The following LRRTM4 variants were observed in gnomAD, a reference collection of about 807,000 sequenced individuals.
LRRTM4 encodes leucine-rich repeat transmembrane neuronal protein 4.
In LRRTM4, 25 loss-of-function variants were observed where a neutral mutation model predicts 47.6. The ratio of observed to expected loss-of-function variants is 0.53; its 90% CI spans 0.38 to 0.73. The LOEUF is 0.73. Among genes scored for constraint, LRRTM4 ranks in the 30% least tolerant of loss-of-function variants. The pLI is 0.00. For missense variants in LRRTM4, 638 were observed against 713.4 expected, an observed-to-expected ratio of 0.89 and a Z score of 1.20; for synonymous variants, 311 against 269.5, an observed-to-expected ratio of 1.15 and a Z score of -1.51.
intron 3 of LRRTM4, among the ~76,000 whole-genome samples, chr2:76,811,966 C>T (rs1179661565): frequency 6.6e-6 from 1 of 152,106 alleles, no homozygotes; most frequent in Non-Finnish European, 1.5e-5. Context: ...TATGTTAAGC[C>T]CCTTTTCCAT....
intron 3 of LRRTM4, among the ~76,000 whole-genome samples, chr2:76,794,299 TA>T (rs1675139655): frequency 6.6e-6 from 1 of 152,170 alleles, no homozygotes; most frequent in Non-Finnish European, 1.5e-5. Flanking sequence ...AGATAACAAA[TA>T]TCTGCATTAG....
intron 3 of LRRTM4, among the ~76,000 whole-genome samples, chr2:76,932,777 A>T (rs538752166): frequency 6.6e-6 from 1 of 151,290 alleles, no homozygotes; most frequent in Non-Finnish European, 1.5e-5. Flanking sequence ...GTATACACAC[A>T]AAAGAGAGGA....
chr2:77,254,599 C>T (rs917116759), intron 3 of LRRTM4, among the ~76,000 whole-genome samples: 3 of 151,444 alleles, frequency 2.0e-5, no homozygotes, highest in Admixed American at 1.3e-4. Flanking sequence ...ATTTTAACTG[C>T]CAAATGCGGT....
chr2:76,929,876 AAT>A (rs1446934571), intron 3 of LRRTM4, among the ~76,000 whole-genome samples: 9 of 151,922 alleles, frequency 5.9e-5, no homozygotes, highest in African/African-American at 2.2e-4. Context: ...AAAGTAGGTG[AAT>A]ATGTTTTGTA....
At chr2:76,872,437 T>G (rs1458968904) in intron 3 of LRRTM4, among the ~76,000 whole-genome samples, 2 of 151,978 alleles carry the variant, frequency 1.3e-5, no homozygotes, top group African/African-American at 4.8e-5. Flanking sequence ...CTTTTTGAAG[T>G]GCTCAGATAA....
chr2:77,163,182 C>A (rs953629992), intron 3 of LRRTM4, among the ~76,000 whole-genome samples: 13 of 152,090 alleles, frequency 8.5e-5, no homozygotes, highest in Non-Finnish European at 1.9e-4. Flanking sequence ...GTGACACATG[C>A]ACAAGCTTCG....
intron 3 of LRRTM4, among the ~76,000 whole-genome samples, chr2:77,099,844 A>C (rs1670904806): frequency 6.6e-6 from 1 of 152,114 alleles, no homozygotes. Flanking sequence ...ATCATTCTTG[A>C]ACATAATTTT....
chr2:77,162,662 C>CAA (rs1672764304), intron 3 of LRRTM4, among the ~76,000 whole-genome samples: 1 of 152,114 alleles, frequency 6.6e-6, no homozygotes, highest in Non-Finnish European at 1.5e-5. Flanking sequence ...TGCCATTCCA[C>CAA]AATATTTTCT....
At chr2:77,222,500 T>C (rs1674666396) in intron 3 of LRRTM4, among the ~76,000 whole-genome samples, 1 of 152,052 alleles carries the variant, frequency 6.6e-6, no homozygotes, top group Non-Finnish European at 1.5e-5. Flanking sequence ...ATCAATTAGA[T>C]GCAATAAAAT....
chr2:77,513,715 G>A (rs1026542873), intron 3 of LRRTM4, among the ~76,000 whole-genome samples: 4 of 151,744 alleles, frequency 2.6e-5, no homozygotes, highest in East Asian at 1.9e-4. Flanking sequence ...ATAGCTGTGC[G>A]CCACCATGAC....
chr2:76,804,774 CAT>C (rs1675885275), intron 3 of LRRTM4, among the ~76,000 whole-genome samples: 1 of 147,752 alleles, frequency 6.8e-6, no homozygotes, highest in Non-Finnish European at 1.5e-5. Flanking sequence ...ATATATATAT[CAT>C]GTTTTATATA....
At chr2:76,918,741 G>C (rs935402188) in intron 3 of LRRTM4, among the ~76,000 whole-genome samples, 1 of 152,024 alleles carries the variant, frequency 6.6e-6, no homozygotes, top group Non-Finnish European at 1.5e-5. Flanking sequence ...TCTCAATTTA[G>C]CCTCAGTTGC....
chr2:77,394,767 T>G (rs1460071450), intron 3 of LRRTM4, among the ~76,000 whole-genome samples: 1 of 151,932 alleles, frequency 6.6e-6, no homozygotes, highest in African/African-American at 2.4e-5. Context: ...AGGCCCCCTA[T>G]GTCAAAAGGT....
intron 3 of LRRTM4, among the ~76,000 whole-genome samples, chr2:77,093,338 C>T (rs571612174): frequency 6.7e-6 from 1 of 150,262 alleles, no homozygotes; most frequent in South Asian, 2.1e-4. Context: ...TGAGTCGTCC[C>T]AATTCTTAGA....
intron 3 of LRRTM4, among the ~76,000 whole-genome samples, chr2:77,472,468 G>T (rs1170482627): frequency 1.3e-5 from 2 of 151,968 alleles, no homozygotes; most frequent in Non-Finnish European, 2.9e-5. Flanking sequence ...CAGTGTTCAT[G>T]GACACTTATA....
chr2:76,995,705 A>G (rs1470160145), intron 3 of LRRTM4, among the ~76,000 whole-genome samples: 2 of 152,082 alleles, frequency 1.3e-5, no homozygotes, highest in African/African-American at 4.8e-5. Context: ...GGTAAGCCAT[A>G]TAGATTCAGG....
At chr2:76,836,015 A>G (rs1419376647) in intron 3 of LRRTM4, among the ~76,000 whole-genome samples, 2 of 152,010 alleles carry the variant, frequency 1.3e-5, no homozygotes, top group Non-Finnish European at 1.5e-5. Context: ...CCTTGGTACT[A>G]AGTAGAAGAG....
At chr2:76,937,732 A>G (rs1675005252) in intron 3 of LRRTM4, among the ~76,000 whole-genome samples, 1 of 151,798 alleles carries the variant, frequency 6.6e-6, no homozygotes, top group Non-Finnish European at 1.5e-5. Flanking sequence ...ACACCGGGCT[A>G]ATTTTTTCGT....
chr2:76,787,834 C>G lies in LRRTM4; in HGVS notation c.1552-38918G>C, dbSNP rs146077608. On this transcript the variant is annotated intron_variant, in intron 3 of 3. Coordinates refer to ENST00000409884, the MANE Select transcript of LRRTM4 (RefSeq NM_001134745.3). ...AGGAAAAAGCCAGTTTCTGTCAGTT[C>G]ATCTCACCAGTCCTTTAGGCAAATT... 1.4e-3 allele frequency among the ~76,000 whole-genome samples: 211 copies of G among 152,164 alleles called. 1 individual carries two copies. Among genetic ancestry groups the G allele is most frequent in the Middle Eastern group, 3.4e-3 (1 of 294 alleles).
Sources: allele counts gnomAD v4.1 joint callset (sites outside exome capture counted in the v4.1 genomes callset), GRCh38; gene constraint gnomAD v4.1.1; transcripts MANE v1.5; gene names NCBI Gene and HGNC (gene_info 2026-07-23, HGNC 2026-07-21).